The following TMEM63C variants were observed in gnomAD, a reference collection of about 807,000 sequenced individuals.
TMEM63C encodes the protein osmosensitive cation channel TMEM63C.
TMEM63C carries 32 observed loss-of-function variants against 99.2 expected under a neutral mutation model. The ratio of observed to expected loss-of-function variants is 0.32; its 90% CI spans 0.24 to 0.43. TMEM63C has a LOEUF of 0.43. TMEM63C is among the 20% of genes least tolerant of loss of function. The probability of loss-of-function intolerance (pLI) is 1.00; values close to 1 mark genes in which losing one functional copy is unlikely to be tolerated. For missense variants in TMEM63C, 826 were observed against 1,053.0 expected, an observed-to-expected ratio of 0.78 and a Z score of 2.98; for synonymous variants, 376 against 397.9, an observed-to-expected ratio of 0.94 and a Z score of 0.66.
intron 5 of TMEM63C, among the ~76,000 whole-genome samples, chr14:77,222,711 G>T (rs9323637): frequency 3.9e-4 from 60 of 152,052 alleles, no homozygotes; most frequent in African/African-American, 1.4e-3. Context: ...TCCCCCTTCC[G>T]CAGTGGCCCT....
intron 9 of TMEM63C, 89 bp from the exon 10 acceptor site, chr14:77,238,605 G>C: frequency 1.9e-6 from 2 of 1,036,396 alleles, no homozygotes; most frequent in Non-Finnish European, 3.0e-6. Context: ...GTGAGCAGAA[G>C]GCCTGCTCTG....
chr14:77,223,044 G>A (rs1285902103), intron 5 of TMEM63C, among the ~76,000 whole-genome samples: 1 of 152,074 alleles, frequency 6.6e-6, no homozygotes, highest in African/African-American at 2.4e-5. Flanking sequence ...GTCATCCCTC[G>A]AGAGGCGGGG....
intron 15 of TMEM63C, 47 bp downstream of exon 15, chr14:77,243,103 G>C (rs1285533968): frequency 1.9e-6 from 3 of 1,606,112 alleles, no homozygotes; most frequent in Non-Finnish European, 2.5e-6. Flanking sequence ...GGGAGATCAA[G>C]GAATAATTCA....
At chr14:77,247,588 T>C (rs947141858) in intron 18 of TMEM63C, among the ~76,000 whole-genome samples, 1 of 152,200 alleles carries the variant, frequency 6.6e-6, no homozygotes, top group African/African-American at 2.4e-5. Flanking sequence ...CTTATTGGAA[T>C]AAGAATATTA....
chr14:77,202,653 G>T lies in TMEM63C; in HGVS notation c.-76-10793G>T, dbSNP rs186732620. Reference sequence around the variant, plus strand: ...AGGACACCAGTCGTTGGATTCAGGGGCCACCCTCATCATGTATGACCTCAT... The same window carrying T: ...AGGACACCAGTCGTTGGATTCAGGGTCCACCCTCATCATGTATGACCTCAT... On this transcript the variant is annotated intron_variant, in intron 1 of 23. Transcript: ENST00000298351. Among the ~76,000 whole-genome samples, 6 of 152,238 alleles carry T rather than the reference G, an allele frequency of 3.9e-5. No individual in the cohort carries two copies. In the East Asian group the frequency reaches 1.2e-3, roughly 29 times the overall value.
intron 1 of TMEM63C, among the ~76,000 whole-genome samples, chr14:77,186,820 T>TGTGTGTGG (rs4021324): frequency 6.7e-6 from 1 of 150,058 alleles, no homozygotes; most frequent in Middle Eastern, 3.2e-3. Flanking sequence ...TGTGTGTGTG[T>TGTGTGTGG]CTGTGTGTGT....
At chr14:77,217,991 A>G (rs184917099) in intron 2 of TMEM63C, among the ~76,000 whole-genome samples, 7 of 152,346 alleles carry the variant, frequency 4.6e-5, no homozygotes, top group Middle Eastern at 3.4e-3. Flanking sequence ...TACAAAAAAC[A>G]GAATGAATAA....
At chr14:77,182,544 G>A (rs1887932013) in intron 1 of TMEM63C, among the ~76,000 whole-genome samples, 1 of 152,160 alleles carries the variant, frequency 6.6e-6, no homozygotes, top group South Asian at 2.1e-4. Context: ...CAAGGTCACT[G>A]AGCAGGCCCT....
At chr14:77,203,900 G>A (rs546954204) in intron 1 of TMEM63C, among the ~76,000 whole-genome samples, 1 of 152,370 alleles carries the variant, frequency 6.6e-6, no homozygotes, top group African/African-American at 2.4e-5. Context: ...CCCGGCTCTA[G>A]CTGGAGCTGA....
chr14:77,246,601 G>A lies in TMEM63C; in HGVS notation c.1536-8G>A. 1.2e-6 allele frequency: 2 copies of A among 1,611,650 alleles called. No individual in the cohort carries two copies. The highest frequency in any genetic ancestry group is 1.7e-6 in the Non-Finnish European group (2 of 1,178,776). ...TAACTAACAGACCTGCCTTGTTTTT[G>A]CTTCTAGTTTGGATGTCTTTCTCCG... On this transcript the variant is annotated splice_polypyrimidine_tract_variant and splice_region_variant and intron_variant, in intron 17 of 23. Coordinates refer to ENST00000298351, the MANE Select transcript of TMEM63C (RefSeq NM_020431.4).
chr14:77,221,724 C>T (rs1248346986), intron 5 of TMEM63C, among the ~76,000 whole-genome samples: 1 of 146,650 alleles, frequency 6.8e-6, no homozygotes, highest in Non-Finnish European at 1.5e-5. Flanking sequence ...CAAATGTGAG[C>T]TCCCGTCCCT....
intron 1 of TMEM63C, among the ~76,000 whole-genome samples, chr14:77,191,337 C>T (rs896741458): frequency 1.6e-4 from 25 of 152,092 alleles, no homozygotes; most frequent in Admixed American, 8.5e-4. Flanking sequence ...AGTAGTTCCT[C>T]TGTGTGGCCA....
At chr14:77,195,398 TA>T (rs1888198191) in intron 1 of TMEM63C, among the ~76,000 whole-genome samples, 1 of 152,232 alleles carries the variant, frequency 6.6e-6, no homozygotes, top group Admixed American at 6.5e-5. Flanking sequence ...ATGTGGATTA[TA>T]AAATCATCCT....
intron 5 of TMEM63C, among the ~76,000 whole-genome samples, chr14:77,220,301 G>A (rs1187515637): frequency 6.6e-6 from 1 of 152,154 alleles, no homozygotes; most frequent in African/African-American, 2.4e-5. Context: ...TACTACTAGG[G>A]TGCCAAGTAA....
chr14:77,253,497 G>T, intron 23 of TMEM63C, 121 bp downstream of exon 23: 1 of 975,772 alleles, frequency 1.0e-6, no homozygotes, highest in Non-Finnish European at 1.6e-6. Flanking sequence ...AGGAGATGGG[G>T]GACCCCTGGG....
intron 7 of TMEM63C, 28 bp downstream of exon 7, chr14:77,231,758 C>T: frequency 6.4e-7 from 1 of 1,550,920 alleles, no homozygotes. Context: ...GGCCCTGGGG[C>T]AGCAGCTGGA....
chr14:77,240,435 G>C, intron 12 of TMEM63C, 40 bp from the exon 13 acceptor site: 1 of 1,580,156 alleles, frequency 6.3e-7, no homozygotes, highest in South Asian at 1.1e-5. Flanking sequence ...GGCCTTCCTG[G>C]GGCTCTGGCC....
At chr14:77,196,018 C>G (rs1159799810) in intron 1 of TMEM63C, 6 of 153,336 alleles carry the variant, frequency 3.9e-5, no homozygotes, top group Admixed American at 2.6e-4. Flanking sequence ...CCAGGGAGGA[C>G]TGGGATGCAT....
rs1285800355 is a variant in TMEM63C, at chr14:77,242,214, G to A, written c.1065-133G>A. The A allele has an allele frequency of 5.0e-6, 5 of 1,007,510 alleles. No homozygotes were observed. In the African/African-American group the frequency reaches 8.0e-5, roughly 16 times the overall value. 62.4% of individuals were successfully genotyped at this position (1,007,510 alleles called of 1,614,324 possible). A position where few individuals can be genotyped will look rare whatever the true frequency, so the allele number is the denominator to read the frequency against. On this transcript the variant is annotated intron_variant, in intron 13 of 23. Transcript: ENST00000298351. ...CCTGAAGACATATCCAAGGCTTCAA[G>A]AATCCCCAGGAAGGGGATGAGCCCC...
Sources: gnomAD v4.1 joint callset for allele counts (sites outside exome capture counted in the v4.1 genomes callset) on GRCh38, gnomAD v4.1.1 for gene constraint, MANE v1.5 for transcripts, NCBI Gene and HGNC (gene_info 2026-07-23, HGNC 2026-07-21) for gene names.